Variants in SRPX2 observed in about 807,000 individuals in gnomAD.
The protein encoded by SRPX2 is sushi repeat-containing protein SRPX2.
Under a neutral mutation model 45.3 loss-of-function variants are expected in SRPX2, and 26 were observed. The observed-to-expected ratio is 0.57, with a 90% CI of 0.42 to 0.80. The LOEUF (loss-of-function observed/expected upper bound fraction) is 0.80. Among genes scored for constraint, SRPX2 ranks in the 30% least tolerant of loss-of-function variants. The pLI is 0.00. For synonymous variants in SRPX2, 125 were observed against 143.7 expected, an observed-to-expected ratio of 0.87 and a Z score of 0.93; for missense variants, 355 against 399.8, an observed-to-expected ratio of 0.89 and a Z score of 0.95.
chrX:100,648,416 T>G (rs1446887574), intron 2 of SRPX2, among the ~76,000 whole-genome samples: 1 of 111,831 alleles, frequency 8.9e-6, no homozygotes, highest in Non-Finnish European at 1.9e-5. Context: ...AAGCACTGAT[T>G]GATCTAAAGG....
rs111549243 is a variant in SRPX2 at position 100,670,452 on chromosome X, AGT to A, written c.1218-354_1218-353del. ...CATGTATGATGTGCATACACAGCAC[AGT>A]CTCTGCAGCGGGTGGCCCCTGGAGT... On this transcript the variant is annotated intron_variant, in intron 10 of 10. Transcript: ENST00000373004. 6.4e-3 allele frequency among the ~76,000 whole-genome samples: 718 copies of A among 111,945 alleles called. 6 individuals are homozygous for A. The highest frequency in any genetic ancestry group is 0.022 in the African/African-American group (686 of 30,762).
intron 2 of SRPX2, among the ~76,000 whole-genome samples, chrX:100,647,221 G>A (rs774415702): frequency 7.5e-4 from 84 of 112,145 alleles, no homozygotes; most frequent in African/African-American, 2.6e-3. Context: ...GGCCCGTGGG[G>A]AGTAGTGGGG....
intron 3 of SRPX2, among the ~76,000 whole-genome samples, chrX:100,659,605 G>A (rs2083180454): frequency 9.0e-6 from 1 of 111,201 alleles, no homozygotes; most frequent in Non-Finnish European, 1.9e-5. Context: ...TGGAGATGGT[G>A]TCTCCAGATG....
At chrX:100,654,278 A>C (rs748789888) in intron 3 of SRPX2, among the ~76,000 whole-genome samples, 2 of 112,021 alleles carry the variant, frequency 1.8e-5, no homozygotes, top group Non-Finnish European at 3.8e-5. Context: ...TCAGGGCATA[A>C]AATGAATTGA....
intron 2 of SRPX2, among the ~76,000 whole-genome samples, chrX:100,650,426 G>A (rs940115180): frequency 8.9e-5 from 10 of 111,891 alleles, no homozygotes; most frequent in Non-Finnish European, 1.7e-4. Flanking sequence ...TTAGTCCCCA[G>A]TGTCTTACCA....
chrX:100,655,660 A>C (rs914525897), intron 3 of SRPX2, among the ~76,000 whole-genome samples: 1 of 110,380 alleles, frequency 9.1e-6, no homozygotes, highest in African/African-American at 3.3e-5. Flanking sequence ...TTACTTCCTC[A>C]TCTGCAAAAG....
Position 100,664,780 on chromosome X carries a change from G to C in SRPX2, c.362G>C (p.Arg121Thr). 1 of 1,204,360 alleles carries C rather than the reference G, an allele frequency of 8.3e-7. No homozygotes were observed. Residue 121 changes from arginine (R) to threonine (T), a missense_variant, in exon 5 of 11, where the codon AGA becomes ACA. Coordinates refer to ENST00000373004, the MANE Select transcript of SRPX2 (RefSeq NM_014467.3). Reference sequence around the variant, plus strand: ...CCACTTGGTTTTCTCTTAGAGATGAGATGCCACGCACTACCATTCATCACT... The same window carrying C: ...CCACTTGGTTTTCTCTTAGAGATGACATGCCACGCACTACCATTCATCACT... ...WSGTAYCRQMRCHALPFITSG... is the reference protein window; with the variant it reads ...WSGTAYCRQMTCHALPFITSG...
chrX:100,671,348 G>A lies in SRPX2; in HGVS notation c.*361G>A, dbSNP rs1235071364. The A allele has an allele frequency of 1.6e-5, 4 of 253,214 alleles. No individual in the cohort carries two copies. Among genetic ancestry groups the A allele is most frequent in the Non-Finnish European group, 2.9e-5 (4 of 140,168 alleles). The allele number at this position is 253,214 out of a possible 1,213,427, so 20.9% of individuals were successfully genotyped here. On this transcript the variant is annotated 3_prime_UTR_variant, in exon 11 of 11. Coordinates refer to ENST00000373004, the MANE Select transcript of SRPX2 (RefSeq NM_014467.3). ...TACCCTGAGGTGACAGCAGAGGGCA[G>A]CACGAGCACAACAGAAACCAGCTTA... is the stretch of plus-strand genomic sequence containing the variant.
At chrX:100,668,483 G>A (rs866655701) in intron 9 of SRPX2, among the ~76,000 whole-genome samples, 1 of 111,158 alleles carries the variant, frequency 9.0e-6, no homozygotes, top group Non-Finnish European at 1.9e-5. Flanking sequence ...CTGTCAGCAA[G>A]CATAGTGACT....
intron 3 of SRPX2, among the ~76,000 whole-genome samples, chrX:100,652,875 ACT>A (rs1486403486): frequency 9.1e-6 from 1 of 110,420 alleles, no homozygotes; most frequent in Non-Finnish European, 1.9e-5. Flanking sequence ...TAACTCCTAA[ACT>A]CTCTACAGTC....
At chrX:100,667,446 A>G (rs760763279) in intron 9 of SRPX2, 39 bp downstream of exon 9, 1 of 1,206,642 alleles carries the variant, frequency 8.3e-7, no homozygotes, top group Non-Finnish European at 1.1e-6. Flanking sequence ...AGCTCCTGTA[A>G]ATTATCCCTT....
At chrX:100,656,051 C>A (rs5920839) in intron 3 of SRPX2, among the ~76,000 whole-genome samples, 1 of 106,823 alleles carries the variant, frequency 9.4e-6, no homozygotes, top group Non-Finnish European at 1.9e-5. Flanking sequence ...TTAGTAGACC[C>A]GGTTTTACCA....
intron 2 of SRPX2, among the ~76,000 whole-genome samples, chrX:100,647,428 C>T (rs1329455705): frequency 8.9e-6 from 1 of 112,636 alleles, no homozygotes; most frequent in Non-Finnish European, 1.9e-5. Flanking sequence ...AAACTTCTTC[C>T]CCTTTTTGGC....
chrX:100,654,166 G>T (rs1248364528), intron 3 of SRPX2, among the ~76,000 whole-genome samples: 2 of 112,126 alleles, frequency 1.8e-5, no homozygotes, highest in Non-Finnish European at 1.9e-5. Context: ...TTCTTCACTG[G>T]TTCTTCTTAA....
intron 3 of SRPX2, among the ~76,000 whole-genome samples, chrX:100,652,045 C>T (rs1569358619): frequency 8.9e-6 from 1 of 111,872 alleles, no homozygotes; most frequent in Non-Finnish European, 1.9e-5. Flanking sequence ...GGGAGCCCAT[C>T]ACATGTTTTT....
Position 100,662,336 on chromosome X carries a change from C to A in SRPX2, c.324C>A (p.Ser108Arg). The A allele has an allele frequency of 8.3e-7, 1 of 1,211,618 alleles. No homozygotes were observed. The highest frequency in any genetic ancestry group is 1.1e-6 in the Non-Finnish European group (1 of 895,639). Residue 108 changes from serine to arginine, a missense_variant, in exon 4 of 11, where the codon AGC (serine) becomes AGA (arginine). Transcript: ENST00000373004. ...IGRRSVQCLP[S>R]RRWSGTAYCR... ...GGAGGTCGGTGCAATGCCTGCCAAG[C>A]CGTCGTTGGTCTGGAACTGCCTACT... is the stretch of plus-strand genomic sequence containing the variant.
chrX:100,659,808 T>TC lies in SRPX2; in HGVS notation c.164-2363dup, dbSNP rs1556012521. 4.9e-4 allele frequency among the ~76,000 whole-genome samples: 51 copies of TC among 103,820 alleles called. 1 individual carries two copies. The highest frequency in any genetic ancestry group is 1.5e-3 in the East Asian group (5 of 3,317). 90.2% of individuals were successfully genotyped at this position (103,820 alleles called of 115,157 possible). A position where few individuals can be genotyped will look rare whatever the true frequency, so the allele number is the denominator to read the frequency against. The stretch of plus-strand genomic sequence containing the variant: ...TTTTTTTTTCAAAGCTTTTTTTTTT[T>TC]CCCCCTTAGGATGTGGGAACTGAGT... On this transcript the variant is annotated intron_variant, in intron 3 of 10. Coordinates refer to ENST00000373004, the MANE Select transcript of SRPX2 (RefSeq NM_014467.3).
At chrX:100,663,951 AT>A (rs1391199271) in intron 4 of SRPX2, among the ~76,000 whole-genome samples, 4 of 112,235 alleles carry the variant, frequency 3.6e-5, no homozygotes, top group Non-Finnish European at 7.5e-5. Context: ...CCCCAAAATT[AT>A]ATTGAGTATG....
intron 2 of SRPX2, chrX:100,650,224 C>T (rs971013705): frequency 1.7e-5 from 2 of 117,194 alleles, no homozygotes; most frequent in African/African-American, 3.2e-5. Context: ...TAAGTCATCC[C>T]TCTCGGCCTT....
Sources: allele counts gnomAD v4.1 joint callset (sites outside exome capture counted in the v4.1 genomes callset), GRCh38; gene constraint gnomAD v4.1.1; transcripts MANE v1.5; gene names NCBI Gene and HGNC (gene_info 2026-07-23, HGNC 2026-07-21).